Variants in RBFOX1 observed in about 807,000 individuals in gnomAD.
RBFOX1 encodes RNA binding protein fox-1 homolog 1.
In RBFOX1, 8 loss-of-function variants were observed where a neutral mutation model predicts 57.7. That is an observed-to-expected ratio of 0.14 (90% CI 0.08 to 0.25). The LOEUF (loss-of-function observed/expected upper bound fraction) is 0.25. RBFOX1 is among the 10% of genes least tolerant of loss of function. The pLI, the probability that RBFOX1 is intolerant of heterozygous loss-of-function variation, is 1.00. For missense variants in RBFOX1, 611 were observed against 548.5 expected (o/e 1.11, Z -1.14); for synonymous variants, 326 against 222.4 (o/e 1.47, Z -4.15).
intron 3 of RBFOX1, among the ~76,000 whole-genome samples, chr16:6,741,232 A>G (rs2072000658): frequency 6.6e-6 from 1 of 152,220 alleles, no homozygotes; most frequent in Non-Finnish European, 1.5e-5. Context: ...AATTAGCTCA[A>G]AATGGATCGT....
chr16:7,376,808 T>G (rs542088118), intron 4 of RBFOX1, among the ~76,000 whole-genome samples: 2 of 152,148 alleles, frequency 1.3e-5, no homozygotes, highest in Non-Finnish European at 2.9e-5. Flanking sequence ...TCCCTTGCAG[T>G]AGAGATGGGG....
chr16:7,245,522 T>A (rs1369344416), intron 4 of RBFOX1, among the ~76,000 whole-genome samples: 1 of 152,232 alleles, frequency 6.6e-6, no homozygotes, highest in East Asian at 1.9e-4. Flanking sequence ...GAGGCTATTA[T>A]GATTTGCAAA....
intron 3 of RBFOX1, among the ~76,000 whole-genome samples, chr16:6,855,443 A>T (rs1374450158): frequency 1.3e-5 from 2 of 152,022 alleles, no homozygotes; most frequent in Non-Finnish European, 2.9e-5. Flanking sequence ...TGAGGTCAGG[A>T]GATCGAGACC....
chr16:5,279,186 C>G (rs1292928255), intron 1 of RBFOX1, among the ~76,000 whole-genome samples: 2 of 151,828 alleles, frequency 1.3e-5, no homozygotes, highest in Non-Finnish European at 2.9e-5. Flanking sequence ...TGGTCATTTT[C>G]ACAATATTAG....
At chr16:6,424,143 G>A (rs568143353) in intron 2 of RBFOX1, among the ~76,000 whole-genome samples, 2 of 152,192 alleles carry the variant, frequency 1.3e-5, no homozygotes, top group South Asian at 4.1e-4. Context: ...GGAGGCTGAG[G>A]CAGGAGAATC....
chr16:6,962,334 C>G lies in RBFOX1; in HGVS notation c.-15-89723C>G, dbSNP rs187075627. ...CATCTTGAGATCCTTAGCTTAATGA[C>G]ATCTGCAAAGATCCTACACATTCAT... is the stretch of plus-strand genomic sequence containing the variant. On this transcript the variant is annotated intron_variant, in intron 3 of 15. Transcript: ENST00000550418. 2.0e-5 allele frequency among the ~76,000 whole-genome samples: 3 copies of G among 152,272 alleles called. No individual in the cohort carries two copies. In the East Asian group the frequency reaches 5.8e-4, roughly 29 times the overall value.
In RBFOX1 at chr16:7,354,362, T is replaced by C. The variant is rs182167519; in HGVS notation, c.28-163785T>C. Among the ~76,000 whole-genome samples the C allele has an allele frequency of 2.9e-3, 437 of 152,320 alleles. 10 individuals carry two copies. The highest frequency in any genetic ancestry group is 0.025 in the Admixed American group (386 of 15,304). ...AACAAAGCAATGTCATCAAATTCTTTCTATTACCTGTGTTTGTTGAAGGTG... is the reference window on the plus strand; with the variant it reads ...AACAAAGCAATGTCATCAAATTCTTCCTATTACCTGTGTTTGTTGAAGGTG... On this transcript the variant is annotated intron_variant, in intron 4 of 15. Transcript: ENST00000550418.
At chr16:5,824,676 G>A (rs1294932735) in intron 3 of RBFOX1, among the ~76,000 whole-genome samples, 4 of 152,198 alleles carry the variant, frequency 2.6e-5, no homozygotes, top group African/African-American at 9.7e-5. Flanking sequence ...CCACAATTAG[G>A]CATCTTGCCT....
At chr16:7,120,303 A>C (rs531579568) in intron 4 of RBFOX1, among the ~76,000 whole-genome samples, 3 of 151,814 alleles carry the variant, frequency 2.0e-5, no homozygotes, top group African/African-American at 7.3e-5. Flanking sequence ...ATCAAAAACT[A>C]ATACATGCAA....
intron 4 of RBFOX1, among the ~76,000 whole-genome samples, chr16:7,487,422 C>A (rs1241587085): frequency 6.6e-6 from 1 of 152,186 alleles, no homozygotes; most frequent in Non-Finnish European, 1.5e-5. Flanking sequence ...ACTCCCCATG[C>A]AGTTGAGAAA....
At chr16:5,869,413 T>G (rs1353801931) in intron 4 of RBFOX1, among the ~76,000 whole-genome samples, 2 of 152,164 alleles carry the variant, frequency 1.3e-5, no homozygotes, top group Non-Finnish European at 2.9e-5. Context: ...TTTATACGTA[T>G]ATATTTTTAG....
At chr16:6,952,358 G>A (rs1489531402) in intron 3 of RBFOX1, among the ~76,000 whole-genome samples, 1 of 152,172 alleles carries the variant, frequency 6.6e-6, no homozygotes, top group Non-Finnish European at 1.5e-5. Flanking sequence ...CTGTTAGAAA[G>A]TAAACTTGTT....
intron 7 of RBFOX1, among the ~76,000 whole-genome samples, chr16:7,594,907 G>C (rs190444032): frequency 1.3e-5 from 2 of 152,186 alleles, no homozygotes; most frequent in Admixed American, 6.5e-5. Flanking sequence ...GTTTATTTCT[G>C]TTCATTTCAT....
intron 5 of RBFOX1, among the ~76,000 whole-genome samples, chr16:7,537,317 G>A (rs866106624): frequency 3.3e-5 from 5 of 152,302 alleles, no homozygotes; most frequent in African/African-American, 1.2e-4. Context: ...ATTCACACCT[G>A]TGGACTTTTG....
chr16:6,044,364 T>C (rs942774757), intron 1 of RBFOX1, among the ~76,000 whole-genome samples: 1 of 152,170 alleles, frequency 6.6e-6, no homozygotes, highest in Non-Finnish European at 1.5e-5. Flanking sequence ...ATGTATACAG[T>C]GTTCTCTCTT....
intron 3 of RBFOX1, among the ~76,000 whole-genome samples, chr16:6,938,984 A>C (rs1227605140): frequency 2.6e-5 from 4 of 152,126 alleles, no homozygotes; most frequent in Admixed American, 6.5e-5. Context: ...CCAGGAATGC[A>C]CTGTAACTGT....
chr16:5,585,637 C>G (rs1238126585), intron 2 of RBFOX1, among the ~76,000 whole-genome samples: 1 of 152,146 alleles, frequency 6.6e-6, no homozygotes, highest in East Asian at 1.9e-4. Context: ...CTGACAAGGC[C>G]CCTTATAGAT....
intron 2 of RBFOX1, among the ~76,000 whole-genome samples, chr16:5,523,391 G>C (rs567692593): frequency 6.6e-6 from 1 of 152,140 alleles, no homozygotes; most frequent in Non-Finnish European, 1.5e-5. Context: ...GAGGCGGTTG[G>C]ATCACTTGAG....
intron 3 of RBFOX1, among the ~76,000 whole-genome samples, chr16:6,961,978 C>T (rs1050765690): frequency 8.5e-5 from 13 of 152,118 alleles, no homozygotes; most frequent in Non-Finnish European, 8.8e-5. Context: ...GAATGTCTAA[C>T]CTCATGGGAA....
Sources: allele counts gnomAD v4.1 joint callset (sites outside exome capture counted in the v4.1 genomes callset), GRCh38; gene constraint gnomAD v4.1.1; transcripts MANE v1.5; gene names NCBI Gene and HGNC (gene_info 2026-07-23, HGNC 2026-07-21).